Variants in B4GALT6 observed in about 807,000 individuals in gnomAD.
B4GALT6 encodes the protein beta-1,4-galactosyltransferase 6.
Under a neutral mutation model 46.3 loss-of-function variants are expected in B4GALT6, and 14 were observed. The observed-to-expected ratio is 0.30, with a 90% CI of 0.20 to 0.47. The LOEUF (loss-of-function observed/expected upper bound fraction) is 0.47, where lower values mean the gene tolerates loss of function less well. B4GALT6 is among the 20% of genes least tolerant of loss of function. The pLI, the probability that B4GALT6 is intolerant of heterozygous loss-of-function variation, is 0.99. For synonymous variants in B4GALT6, 168 were observed against 162.0 expected, an observed-to-expected ratio of 1.04 and a Z score of -0.28; for missense variants, 386 against 480.1, an observed-to-expected ratio of 0.80 and a Z score of 1.83.
chr18:31,717,862 G>A, the B4GALT6 span, among the ~76,000 whole-genome samples: 1 of 151,142 alleles, frequency 6.6e-6, no homozygotes, highest in Non-Finnish European at 1.5e-5. Context: ...GCTGAGGCAG[G>A]AGAATCACTT....
At chr18:31,672,125 T>C in intron 1 of B4GALT6, among the ~76,000 whole-genome samples, 1 of 152,222 alleles carries the variant, frequency 6.6e-6, no homozygotes, top group Non-Finnish European at 1.5e-5. Flanking sequence ...AGAACATGCC[T>C]GCCTGCAGGG....
At chr18:31,629,576 A>G (rs7231269) in intron 6 of B4GALT6, among the ~76,000 whole-genome samples, 2,525 of 145,386 alleles carry the variant, frequency 0.017, 87 homozygotes, top group African/African-American at 0.061. Context: ...GTTGCCGGGC[A>G]CGGTGGCTCA....
At chr18:31,719,948 C>T in the B4GALT6 span, among the ~76,000 whole-genome samples, 2 of 152,202 alleles carry the variant, frequency 1.3e-5, no homozygotes, top group South Asian at 4.1e-4. Context: ...GAGGTTCAGA[C>T]TCTTGGAGCC....
intron 5 of B4GALT6, among the ~76,000 whole-genome samples, chr18:31,634,508 T>C (rs1180099648): frequency 1.3e-5 from 2 of 152,220 alleles, no homozygotes; most frequent in Non-Finnish European, 2.9e-5. Context: ...TCCTCTGTTC[T>C]GCTAGGCATC....
intron 1 of B4GALT6, among the ~76,000 whole-genome samples, chr18:31,678,712 C>T (rs558683219): frequency 5.3e-5 from 8 of 152,302 alleles, no homozygotes; most frequent in Admixed American, 1.3e-4. Context: ...ATATGGACAA[C>T]GCGGTGGGCT....
chr18:31,695,764 G>A, the B4GALT6 span, among the ~76,000 whole-genome samples: 1 of 152,168 alleles, frequency 6.6e-6, no homozygotes, highest in Admixed American at 6.5e-5. Flanking sequence ...TTCCAACCAG[G>A]TTAGAATCAT....
the B4GALT6 span, among the ~76,000 whole-genome samples, chr18:31,710,813 A>AT: frequency 3.7e-5 from 1 of 26,876 alleles, no homozygotes. Flanking sequence ...TCCTGAATAC[A>AT]CCACACACAC....
chr18:31,686,734 ATC>A (rs1424442588), upstream of B4GALT6: 7 of 152,224 alleles, frequency 4.6e-5, no homozygotes, highest in Non-Finnish European at 1.0e-4. Flanking sequence ...GAAAAACAAA[ATC>A]TATGCAAGCC....
At chr18:31,703,839 T>C in the B4GALT6 span, among the ~76,000 whole-genome samples, 573 of 152,320 alleles carry the variant, frequency 3.8e-3, 6 homozygotes, top group African/African-American at 0.013. Flanking sequence ...TGTAAAGCTC[T>C]GAGCTCAAGT....
At chr18:31,631,640 A>G (rs1186049744) in intron 5 of B4GALT6, among the ~76,000 whole-genome samples, 1 of 152,178 alleles carries the variant, frequency 6.6e-6, no homozygotes, top group African/African-American at 2.4e-5. Flanking sequence ...TAAAAATAAT[A>G]TAAGTTTTAT....
intron 3 of B4GALT6, among the ~76,000 whole-genome samples, chr18:31,653,096 T>A (rs967245289): frequency 2.0e-5 from 3 of 151,226 alleles, no homozygotes; most frequent in African/African-American, 7.3e-5. Context: ...GGCTCATAAA[T>A]CAACTGTCTG....
chr18:31,721,971 G>T, the B4GALT6 span, among the ~76,000 whole-genome samples: 3 of 151,916 alleles, frequency 2.0e-5, no homozygotes, highest in Non-Finnish European at 4.4e-5. Flanking sequence ...TATCTATCAA[G>T]TTGCAAACTC....
chr18:31,632,921 T>C (rs2073809548), intron 5 of B4GALT6, among the ~76,000 whole-genome samples: 1 of 152,168 alleles, frequency 6.6e-6, no homozygotes, highest in Non-Finnish European at 1.5e-5. Context: ...TCCCTTGCCC[T>C]CTCCAGACCA....
chr18:31,696,520 A>C, the B4GALT6 span, among the ~76,000 whole-genome samples: 6 of 151,824 alleles, frequency 4.0e-5, no homozygotes, highest in African/African-American at 9.7e-5. Flanking sequence ...TTAATGTGTA[A>C]ATTTTTATTA....
At chr18:31,683,582 A>G (rs1244968222) in intron 1 of B4GALT6, among the ~76,000 whole-genome samples, 5 of 152,216 alleles carry the variant, frequency 3.3e-5, no homozygotes, top group Admixed American at 1.3e-4. Flanking sequence ...CAGTTTTACA[A>G]AAGTGTATTT....
chr18:31,626,811 T>G (rs2073704828), intron 7 of B4GALT6, among the ~76,000 whole-genome samples, 188 bp downstream of exon 7: 1 of 151,864 alleles, frequency 6.6e-6, no homozygotes, highest in South Asian at 2.1e-4. Flanking sequence ...CTGCTCTAAT[T>G]ATATGCTGCC....
chr18:31,668,652 G>T (rs2074311147), intron 1 of B4GALT6, among the ~76,000 whole-genome samples: 1 of 152,006 alleles, frequency 6.6e-6, no homozygotes, highest in East Asian at 1.9e-4. Flanking sequence ...GATATAGTGT[G>T]GCAGATATTA....
chr18:31,712,218 T>C, the B4GALT6 span, among the ~76,000 whole-genome samples: 1 of 152,032 alleles, frequency 6.6e-6, no homozygotes, highest in East Asian at 1.9e-4. Flanking sequence ...GGAGTCTTTT[T>C]CTTTTTTGCA....
rs574354534 is a variant in B4GALT6, at chr18:31,658,041, G to A, written c.281C>T (p.Thr94Met). The A allele has an allele frequency of 3.3e-5, 53 of 1,612,026 alleles. No homozygotes were observed. In the African/African-American group the frequency reaches 4.0e-4, roughly 12 times the overall value. Residue 94 changes from threonine to methionine, a missense_variant, in exon 3 of 9, where the codon ACG (threonine) becomes ATG (methionine). Thr to Met is a moderately conservative substitution (Grantham distance 81, BLOSUM62 -1). Coordinates refer to ENST00000306851, the MANE Select transcript of B4GALT6 (RefSeq NM_004775.5). ...NSSDYLVQTT[T>M]YLPENFTYSP... is the part of the protein sequence containing the mutation. ...GTATGTGAAGTTTTCCGGGAGATAC[G>A]TTGTTGTTTGAACAAGATAATCACT...
Sources: gnomAD v4.1 joint callset for allele counts (sites outside exome capture counted in the v4.1 genomes callset) on GRCh38, gnomAD v4.1.1 for gene constraint, MANE v1.5 for transcripts, NCBI Gene and HGNC (gene_info 2026-07-23, HGNC 2026-07-21) for gene names.